Variants in WDR6 observed in about 807,000 individuals in gnomAD.
WDR6 encodes the protein WD repeat domain 6.
In WDR6, 58 loss-of-function variants were observed where a neutral mutation model predicts 85.6. That is an observed-to-expected ratio of 0.68 (90% confidence interval 0.55 to 0.84). The LOEUF is 0.84. WDR6 is among the 40% of genes least tolerant of loss of function. The probability of loss-of-function intolerance (pLI) is 0.00; values close to 1 mark genes in which losing one functional copy is unlikely to be tolerated. For missense variants in WDR6, 1,310 were observed against 1,476.4 expected, an observed-to-expected ratio of 0.89 and a Z score of 1.85; for synonymous variants, 569 against 582.2, an observed-to-expected ratio of 0.98 and a Z score of 0.33.
At position 49,012,443 on chromosome 3, in the gene WDR6, C is replaced by T; in HGVS notation, c.909C>T (p.Ala303=). Residue 303 remains alanine (A), a synonymous_variant, in exon 2 of 6, where the codon GCC becomes GCT. Coordinates refer to ENST00000608424, the MANE Select transcript of WDR6 (RefSeq NM_018031.6). This position sits in a 1 kb window ranked among gnomAD's most constrained non-coding sequence, Gnocchi z 4.4. Reference sequence around the variant, plus strand: ...GACACCAGGGACGTGGGATCCGGGCCATAGCTGCCCATGAGAGGCAGGCCT... The same window carrying T: ...GACACCAGGGACGTGGGATCCGGGCTATAGCTGCCCATGAGAGGCAGGCCT... ...FRGHQGRGIR[A]IAAHERQAWV... The T allele has an allele frequency of 6.2e-7, 1 of 1,614,168 alleles. No individual in the cohort carries two copies. The highest frequency in any genetic ancestry group is 8.5e-7 in the Non-Finnish European group (1 of 1,180,028).
rs748279235 is a variant in WDR6 at position 49,011,934 on chromosome 3, G to A, written c.400G>A (p.Gly134Ser). The change falls in exon 2 of 6, where the codon GGC (glycine) becomes AGC (serine). Residue 134 changes from glycine to serine, a missense_variant. By Grantham distance (56) the Gly-to-Ser change is moderately conservative. Coordinates refer to ENST00000608424, the MANE Select transcript of WDR6 (RefSeq NM_018031.6). ...WLEGNIALAL[G>S]HNSVVLYDPV... is the part of the protein sequence containing the mutation. ...TGAGGGAAATATAGCCTTGGCCCTG[G>A]GCCACAACTCAGTGGTGCTATATGA... 6.2e-7 allele frequency: 1 copy of A among 1,614,164 alleles called. No individual in the cohort carries two copies. The highest frequency in any genetic ancestry group is 8.5e-7 in the Non-Finnish European group (1 of 1,180,030).
At chr3:49,009,764 A>G (rs987656613) in intron 1 of WDR6, among the ~76,000 whole-genome samples, 11 of 148,350 alleles carry the variant, frequency 7.4e-5, no homozygotes, top group Admixed American at 7.4e-4. Flanking sequence ...GTCTTGCTCT[A>G]TTGCTCAGGG....
In WDR6 at chr3:49,014,775, C is replaced by T. The variant is rs530039732; in HGVS notation, c.2903-50C>T. On this transcript the variant is annotated intron_variant, in intron 5 of 5. Coordinates refer to ENST00000608424, the MANE Select transcript of WDR6 (RefSeq NM_018031.6). This position sits in a 1 kb window ranked among gnomAD's most constrained non-coding sequence, Gnocchi z 4.9. The stretch of plus-strand genomic sequence containing the variant: ...CTCCTCACCTGTCACATAGCCCTCA[C>T]ACATGTGGCAGGCGGGGCCCTGACA... 6.2e-7 allele frequency: 1 copy of T among 1,606,838 alleles called. No individual in the cohort carries two copies. Among genetic ancestry groups the T allele is most frequent in the South Asian group, 1.1e-5 (1 of 90,544 alleles).
Position 49,015,546 on chromosome 3 carries a change from A to ATGAC in WDR6, c.*260_*263dup. On this transcript the variant is annotated 3_prime_UTR_variant, in exon 6 of 6. Transcript: ENST00000608424. ...TGGGTTTTTGCTTTTTTTCCAGTTGATGACTTTGTGAACATTCCCAGGTAT... is the reference window on the plus strand; with the variant it reads ...TGGGTTTTTGCTTTTTTTCCAGTTGATGACTGACTTTGTGAACATTCCCAGGTAT... The ATGAC allele has an allele frequency of 6.2e-7, 1 of 1,603,120 alleles. No individual in the cohort carries two copies. Among genetic ancestry groups the ATGAC allele is most frequent in the East Asian group, 2.2e-5 (1 of 44,714 alleles).
chr3:49,010,201 T>C (rs1479207927), intron 1 of WDR6, among the ~76,000 whole-genome samples: 3 of 145,894 alleles, frequency 2.1e-5, no homozygotes, highest in African/African-American at 7.7e-5. Flanking sequence ...GGTCAGGAGA[T>C]CGAGACCATC....
chr3:49,007,484 T>A lies in WDR6; in HGVS notation c.53T>A (p.Leu18His), dbSNP rs747723164. 27 of 1,610,784 alleles carry A rather than the reference T, an allele frequency of 1.7e-5. No homozygotes were observed. Among genetic ancestry groups the A allele is most frequent in the Middle Eastern group, 1.7e-4 (1 of 5,984 alleles). The change falls in exon 1 of 6, where the codon CTC becomes CAC. Residue 18 changes from leucine (L) to histidine (H), a missense_variant. Leu to His is a moderately conservative substitution (Grantham distance 99). Transcript: ENST00000608424. This position sits in a 1 kb window ranked among gnomAD's most constrained non-coding sequence, Gnocchi z 5.1. Reference sequence around the variant, plus strand: ...CCGCGGGCAACCTCGGAGCTTATACTCCTCCCAGTGACGGGTCTGGAGTGC... The same window carrying A: ...CCGCGGGCAACCTCGGAGCTTATACACCTCCCAGTGACGGGTCTGGAGTGC... ...VWPRATSELI[L>H]LPVTGLECVG...
Position 49,014,841 on chromosome 3 carries a change from C to CCTGA in WDR6, c.2922_2925dup (p.Leu976AspfsTer19), listed in dbSNP as rs1559899894. 1.2e-6 allele frequency: 2 copies of CCTGA among 1,604,760 alleles called. No individual in the cohort carries two copies. The highest frequency in any genetic ancestry group is 1.1e-5 in the South Asian group (1 of 90,336). ...TTCCTTCAGGGCTTGGCACCCCCTC[C>CCTGA]CTGACTCTCCAGGCCCACAGCTGTG... is the stretch of plus-strand genomic sequence containing the variant. On this transcript the variant is annotated frameshift_variant, in exon 6 of 6. Coordinates refer to ENST00000608424, the MANE Select transcript of WDR6 (RefSeq NM_018031.6). LOFTEE classifies it high-confidence loss of function. This position sits in a 1 kb window ranked among gnomAD's most constrained non-coding sequence, Gnocchi z 4.9.
chr3:49,011,534 C>T (rs756749559), intron 1 of WDR6, 101 bp from the exon 2 acceptor site: 8 of 1,612,100 alleles, frequency 5.0e-6, no homozygotes, highest in African/African-American at 1.3e-5. Context: ...CTGATGCATT[C>T]ATAGGCTACA....
At position 49,015,142 on chromosome 3, in the gene WDR6, G is replaced by C; in HGVS notation, c.3220G>C (p.Gly1074Arg). The C allele has an allele frequency of 6.2e-7, 1 of 1,613,920 alleles. No homozygotes were observed. Among genetic ancestry groups the C allele is most frequent in the Non-Finnish European group, 8.5e-7 (1 of 1,180,042 alleles). ...IDQRLTFWRL[G>R]HGEPTFMNST... is the part of the protein sequence containing the mutation. The stretch of plus-strand genomic sequence containing the variant: ...TCAACGGCTGACCTTCTGGCGTCTG[G>C]GGCATGGTGAACCCACCTTCATGAA... The change falls in exon 6 of 6, where the codon GGG (glycine) becomes CGG (arginine). Residue 1074 changes from glycine to arginine, a missense_variant. Physicochemically the swap from Gly to Arg is moderately radical, Grantham distance 125. Transcript: ENST00000608424.
chr3:49,013,124 G>T lies in WDR6; in HGVS notation c.1590G>T (p.Val530=). ...SRPGLLKDPG[V]GGKARAGAGA... is the part of the protein sequence containing the mutation. The stretch of plus-strand genomic sequence containing the variant: ...CAGGTCTGCTCAAGGACCCTGGGGT[G>T]GGAGGCAAGGCTCGGGCTGGTGCTG... Residue 530 remains valine (V), a synonymous_variant, in exon 2 of 6, where the codon GTG becomes GTT. Coordinates refer to ENST00000608424, the MANE Select transcript of WDR6 (RefSeq NM_018031.6). This position sits in a 1 kb window ranked among gnomAD's most constrained non-coding sequence, Gnocchi z 4.6. The T allele has an allele frequency of 6.2e-7, 1 of 1,607,948 alleles. No homozygotes were observed.
rs1440935543 is a variant in WDR6, at chr3:49,015,760, C to G, written c.*472C>G. 4.3e-6 allele frequency: 7 copies of G among 1,614,128 alleles called. No homozygotes were observed. The highest frequency in any genetic ancestry group is 5.9e-6 in the Non-Finnish European group (7 of 1,180,014). On this transcript the variant is annotated 3_prime_UTR_variant, in exon 6 of 6. Coordinates refer to ENST00000608424, the MANE Select transcript of WDR6 (RefSeq NM_018031.6). ...ATCCTCTGCTTCCTTTGCCTTTACC[C>G]TATACCTCTCTGCACGTCCCACCCC... is the stretch of plus-strand genomic sequence containing the variant.
chr3:49,010,775 G>A lies in WDR6; in HGVS notation c.101-860G>A, dbSNP rs376072269. ...TGAGGCAGGAGAATGGCCTGAACCC[G>A]GGAGGTGGAACTTGCAGTGAGCTGA... is the stretch of plus-strand genomic sequence containing the variant. On this transcript the variant is annotated intron_variant, in intron 1 of 5. Coordinates refer to ENST00000608424, the MANE Select transcript of WDR6 (RefSeq NM_018031.6). Among the ~76,000 whole-genome samples, 437 of 151,776 alleles carry A rather than the reference G, an allele frequency of 2.9e-3. 3 individuals carry two copies. Among genetic ancestry groups the A allele is most frequent in the Non-Finnish European group, 4.5e-3 (306 of 67,896 alleles).
chr3:49,014,510 C>G lies in WDR6; in HGVS notation c.2783+11C>G. The G allele has an allele frequency of 6.2e-7, 1 of 1,613,988 alleles. No homozygotes were observed. The highest frequency in any genetic ancestry group is 1.1e-5 in the South Asian group (1 of 91,080). Reference sequence around the variant, plus strand: ...ACCCAACCAGAGGCGGTGAGAGGGGCTGGATGATGGTCCTGCATGGGCTGG... The same window carrying G: ...ACCCAACCAGAGGCGGTGAGAGGGGGTGGATGATGGTCCTGCATGGGCTGG... On this transcript the variant is annotated intron_variant, in intron 4 of 5. Coordinates refer to ENST00000608424, the MANE Select transcript of WDR6 (RefSeq NM_018031.6). The surrounding 1 kb of genome is among the most constrained non-coding windows in gnomAD (Gnocchi z 4.9).
Position 49,007,867 on chromosome 3 carries a change from T to C in WDR6, c.100+336T>C, listed in dbSNP as rs1228072621. Among the ~76,000 whole-genome samples, 1 of 112,378 alleles carries C rather than the reference T, an allele frequency of 8.9e-6. No homozygotes were observed. Among genetic ancestry groups the C allele is most frequent in the Non-Finnish European group, 1.8e-5 (1 of 56,858 alleles). 73.7% of individuals were successfully genotyped at this position (112,378 alleles called of 152,430 possible). On this transcript the variant is annotated intron_variant, in intron 1 of 5. Coordinates refer to ENST00000608424, the MANE Select transcript of WDR6 (RefSeq NM_018031.6). The surrounding 1 kb of genome is among the most constrained non-coding windows in gnomAD (Gnocchi z 5.1). ...GGAGCTGAGGGTTGAGGGGGTGTGC[T>C]CCCTTCTAGGAGATGGGCGGGGGCT...
intron 1 of WDR6, among the ~76,000 whole-genome samples, chr3:49,009,238 C>T (rs2093001802): frequency 6.6e-6 from 1 of 151,674 alleles, no homozygotes; most frequent in Non-Finnish European, 1.5e-5. Context: ...ACTCAATGCT[C>T]TTGCCCATCT....
chr3:49,007,672 C>T lies in WDR6; in HGVS notation c.100+141C>T, dbSNP rs2092990785. Reference sequence around the variant, plus strand: ...AGGCCGATCGGAGGTGGGAAGGGAGCCCCGGAGATGGCGGGGACGAGGGCC... The same window carrying T: ...AGGCCGATCGGAGGTGGGAAGGGAGTCCCGGAGATGGCGGGGACGAGGGCC... On this transcript the variant is annotated intron_variant, in intron 1 of 5. Coordinates refer to ENST00000608424, the MANE Select transcript of WDR6 (RefSeq NM_018031.6). This position sits in a 1 kb window ranked among gnomAD's most constrained non-coding sequence, Gnocchi z 5.1. 6.0e-6 allele frequency: 8 copies of T among 1,335,662 alleles called. No individual in the cohort carries two copies. In the South Asian group the frequency reaches 1.3e-4, roughly 22 times the overall value. The allele number at this position is 1,335,662 out of a possible 1,614,324, so 82.7% of individuals were successfully genotyped here. A position where few individuals can be genotyped will look rare whatever the true frequency, so the allele number is the denominator to read the frequency against.
intron 1 of WDR6, chr3:49,011,345 C>A: frequency 1.0e-6 from 1 of 962,654 alleles, no homozygotes; most frequent in Non-Finnish European, 1.4e-6. Flanking sequence ...TCCCAAAGTG[C>A]TAGGATTACA....
rs1263873183 is a variant in WDR6 at position 49,007,449 on chromosome 3, C to A, written c.18C>A (p.Asp6Glu). 6.2e-7 allele frequency: 1 copy of A among 1,612,368 alleles called. No homozygotes were observed. ...GGATCGACATGGACGCTCTCGAGGA[C>A]TACGTTTGGCCGCGGGCAACCTCGG... Reference protein sequence around the residue: MDALEDYVWPRATSEL... With the variant: MDALEEYVWPRATSEL... Residue 6 changes from aspartate (D) to glutamate (E), a missense_variant, in exon 1 of 6, where the codon GAC becomes GAA. Physicochemically the swap from Asp to Glu is conservative, Grantham distance 45 (BLOSUM62 2). Transcript: ENST00000608424. This position sits in a 1 kb window ranked among gnomAD's most constrained non-coding sequence, Gnocchi z 5.1.
chr3:49,008,861 C>G (rs538249266), intron 1 of WDR6: 1 of 152,738 alleles, frequency 6.5e-6, no homozygotes, highest in African/African-American at 2.4e-5. Flanking sequence ...AGCTACAATT[C>G]TGTGTGTGTG....
Sources: gnomAD v4.1 joint callset for allele counts (sites outside exome capture counted in the v4.1 genomes callset) on GRCh38, gnomAD v4.1.1 for gene constraint, Gnocchi (gnomAD v3.1) non-coding constraint, MANE v1.5 for transcripts, NCBI Gene and HGNC (gene_info 2026-07-23, HGNC 2026-07-21) for gene names.